The following SLC24A2 variants were observed in gnomAD, a reference collection of about 807,000 sequenced individuals.
SLC24A2 encodes the protein solute carrier family 24 member 2, also known as sodium/potassium/calcium exchanger 2.
Under a neutral mutation model 62.0 loss-of-function variants are expected in SLC24A2, and 36 were observed. The observed-to-expected ratio is 0.58, with a 90% CI of 0.44 to 0.77. The LOEUF is 0.77. Among genes scored for constraint, SLC24A2 ranks in the 30% least tolerant of loss-of-function variants. SLC24A2 has a pLI of 0.00. For missense variants in SLC24A2, 846 were observed against 817.9 expected, an observed-to-expected ratio of 1.03 and a Z score of -0.42; for synonymous variants, 358 against 294.0, an observed-to-expected ratio of 1.22 and a Z score of -2.23.
chr9:19,981,966 G>C, the SLC24A2 span, among the ~76,000 whole-genome samples: 3 of 152,152 alleles, frequency 2.0e-5, no homozygotes, highest in Non-Finnish European at 2.9e-5. Context: ...CAGTGGAGGA[G>C]GGAGAACAGA....
the SLC24A2 span, among the ~76,000 whole-genome samples, chr9:20,002,107 A>G: frequency 2.6e-5 from 4 of 152,192 alleles, no homozygotes; most frequent in Non-Finnish European, 5.9e-5. Flanking sequence ...ATGAATCCAC[A>G]AGGATTGTTT....
the SLC24A2 span, among the ~76,000 whole-genome samples, chr9:19,945,856 C>G: frequency 6.6e-6 from 1 of 152,150 alleles, no homozygotes; most frequent in Admixed American, 6.5e-5. Flanking sequence ...GACTTGGGCA[C>G]CAAGGAAACT....
the SLC24A2 span, among the ~76,000 whole-genome samples, chr9:20,016,914 T>C: frequency 1.3e-5 from 2 of 152,194 alleles, no homozygotes; most frequent in Non-Finnish European, 1.5e-5. Context: ...ATATAAACTA[T>C]ACGAATATGC....
chr9:20,234,281 T>C, the SLC24A2 span, among the ~76,000 whole-genome samples: 1 of 152,238 alleles, frequency 6.6e-6, no homozygotes, highest in Non-Finnish European at 1.5e-5. Context: ...CCTGCCTTGC[T>C]AGATTGGGGA....
chr9:20,168,254 T>C, the SLC24A2 span, among the ~76,000 whole-genome samples: 5 of 151,976 alleles, frequency 3.3e-5, no homozygotes, highest in African/African-American at 1.2e-4. Context: ...AAGAGTATAA[T>C]TGGACATCTC....
chr9:19,523,361 A>G (rs1408587944), intron 9 of SLC24A2, among the ~76,000 whole-genome samples: 1 of 152,188 alleles, frequency 6.6e-6, no homozygotes, highest in African/African-American at 2.4e-5. Context: ...AATGAGGATA[A>G]TATCCACTCA....
intron 2 of SLC24A2, among the ~76,000 whole-genome samples, chr9:19,691,659 G>T (rs370865148): frequency 6.6e-6 from 1 of 152,114 alleles, no homozygotes; most frequent in African/African-American, 2.4e-5. Flanking sequence ...TAAAAGTACA[G>T]AACCAGTTAT....
the SLC24A2 span, among the ~76,000 whole-genome samples, chr9:20,305,600 A>C: frequency 2.6e-5 from 4 of 152,240 alleles, no homozygotes; most frequent in African/African-American, 9.6e-5. Flanking sequence ...ATAGTTATCC[A>C]TATTCAGTAT....
At chr9:19,859,562 C>T in the SLC24A2 span, among the ~76,000 whole-genome samples, 1 of 152,100 alleles carries the variant, frequency 6.6e-6, no homozygotes, top group African/African-American at 2.4e-5. Context: ...CTGCCAATTC[C>T]CCTTGCCCCC....
chr9:20,084,162 G>A, the SLC24A2 span, among the ~76,000 whole-genome samples: 2 of 152,200 alleles, frequency 1.3e-5, no homozygotes. Context: ...AAAGAAAATA[G>A]TGTTGCCAAG....
intron 2 of SLC24A2, among the ~76,000 whole-genome samples, chr9:19,725,780 G>T (rs543391340): frequency 6.6e-6 from 1 of 152,266 alleles, no homozygotes; most frequent in African/African-American, 2.4e-5. Flanking sequence ...ACACAACACT[G>T]AATGGAAGTA....
At chr9:19,694,123 T>C (rs912009515) in intron 2 of SLC24A2, among the ~76,000 whole-genome samples, 2 of 152,050 alleles carry the variant, frequency 1.3e-5, no homozygotes, top group Admixed American at 6.5e-5. Flanking sequence ...AATCTTACAC[T>C]GTTCATTCTA....
the SLC24A2 span, among the ~76,000 whole-genome samples, chr9:20,239,057 A>G: frequency 6.6e-6 from 1 of 152,204 alleles, no homozygotes; most frequent in Non-Finnish European, 1.5e-5. Context: ...TCTAGCCTCC[A>G]GAAAATAAAT....
At position 19,771,159 on chromosome 9, in the gene SLC24A2, CACTT is replaced by C. The variant is rs1173424185; in HGVS notation, c.930+14774_930+14777del. On this transcript the variant is annotated intron_variant, in intron 2 of 10. Coordinates refer to ENST00000341998, the MANE Select transcript of SLC24A2 (RefSeq NM_020344.4). ...ATGCAATGAGCATAACTGCCAATAACACTTACTTGGGGCTTGTCTCCCAGGGAAA... is the reference window on the plus strand; with the variant it reads ...ATGCAATGAGCATAACTGCCAATAACACTTGGGGCTTGTCTCCCAGGGAAA... Among the ~76,000 whole-genome samples, 12 of 152,292 alleles carry C rather than the reference CACTT, an allele frequency of 7.9e-5. No individual in the cohort carries two copies. In the East Asian group the frequency reaches 1.9e-3, roughly 25 times the overall value.
rs770003278 is a variant in SLC24A2, at chr9:19,550,290, A to C, written c.1348-22T>G. 40 of 1,613,160 alleles carry C rather than the reference A, an allele frequency of 2.5e-5. 1 individual carries two copies. The highest frequency in any genetic ancestry group is 3.1e-5 in the Non-Finnish European group (36 of 1,179,514). ...CGGTCTGTGGTAGAAAAAGAGGTAA[A>C]ATTAAACAAACAAAAAAATAAAATG... On this transcript the variant is annotated intron_variant, in intron 7 of 10. Coordinates refer to ENST00000341998, the MANE Select transcript of SLC24A2 (RefSeq NM_020344.4).
chr9:19,629,659 G>A (rs1369391798), intron 2 of SLC24A2, among the ~76,000 whole-genome samples: 1 of 152,170 alleles, frequency 6.6e-6, no homozygotes, highest in East Asian at 1.9e-4. Context: ...CTCAGCAGTA[G>A]GTGGGAAAAA....
chr9:20,122,456 G>A, the SLC24A2 span, among the ~76,000 whole-genome samples: 9 of 152,290 alleles, frequency 5.9e-5, no homozygotes, highest in African/African-American at 1.9e-4. Context: ...GGAGGCTGAC[G>A]TGGGCAGATC....
chr9:19,636,385 T>TCCCC lies in SLC24A2; in HGVS notation c.931-14087_931-14086insGGGG, dbSNP rs1564010039. On this transcript the variant is annotated intron_variant, in intron 2 of 10. Transcript: ENST00000341998. The stretch of plus-strand genomic sequence containing the variant: ...TTTCTTTCTTTCTTTCTTTCTTTCT[T>TCCCC]TCTCCCTCTCTCTCTCTCTCTCTTT... 2.0e-3 allele frequency among the ~76,000 whole-genome samples: 50 copies of TCCCC among 25,378 alleles called. 9 individuals are homozygous for TCCCC. Among genetic ancestry groups the TCCCC allele is most frequent in the African/African-American group, 6.6e-3 (47 of 7,134 alleles). The allele number at this position is 25,378 out of a possible 152,430, so 16.6% of individuals were successfully genotyped here.
upstream of SLC24A2, among the ~76,000 whole-genome samples, chr9:19,789,102 G>C (rs1017594087): frequency 3.9e-5 from 6 of 152,308 alleles, no homozygotes; most frequent in African/African-American, 1.4e-4. Flanking sequence ...CCTCCCTCTG[G>C]GCTGTGCGCT....
Sources: gnomAD v4.1 joint callset for allele counts (sites outside exome capture counted in the v4.1 genomes callset) on GRCh38, gnomAD v4.1.1 for gene constraint, MANE v1.5 for transcripts, NCBI Gene and HGNC (gene_info 2026-07-23, HGNC 2026-07-21) for gene names.